Variants in PTPRD observed in about 807,000 individuals in gnomAD.
PTPRD encodes protein tyrosine phosphatase receptor type D.
A neutral mutation model predicts 214.5 loss-of-function variants in PTPRD; 34 were observed. That is an observed-to-expected ratio of 0.16 (90% CI 0.12 to 0.21). The LOEUF is 0.21. Ranked by LOEUF, PTPRD falls within the 10% of genes least tolerant of loss-of-function variation. PTPRD has a pLI of 1.00. For synonymous variants in PTPRD, 1,128 were observed against 845.7 expected, an observed-to-expected ratio of 1.33 and a Z score of -5.79; for missense variants, 2,545 against 2,398.7, an observed-to-expected ratio of 1.06 and a Z score of -1.27.
Position 8,925,968 on chromosome 9 carries a change from C to G in PTPRD, c.-104+92729G>C, listed in dbSNP as rs978815224. Among the ~76,000 whole-genome samples, 8 of 149,428 alleles carry G rather than the reference C, an allele frequency of 5.4e-5. No individual in the cohort carries two copies. In the East Asian group the frequency reaches 1.2e-3, roughly 22 times the overall value. ...ATTTCTCTTGTTTACAATCCTTCAT[C>G]AATTCTCTCCTTTTCAAACCAGAAC... is the stretch of plus-strand genomic sequence containing the variant. On this transcript the variant is annotated intron_variant, in intron 11 of 45. Transcript: ENST00000381196.
At chr9:8,643,299 C>CT (rs2096616490) in intron 12 of PTPRD, among the ~76,000 whole-genome samples, 1 of 151,448 alleles carries the variant, frequency 6.6e-6, no homozygotes, top group Admixed American at 6.6e-5. Context: ...ATCATTACTC[C>CT]TATTTTATAG....
chr9:9,922,401 T>G (rs2382064), intron 5 of PTPRD, among the ~76,000 whole-genome samples: 1 of 152,010 alleles, frequency 6.6e-6, no homozygotes, highest in East Asian at 1.9e-4. Flanking sequence ...GTAACCTTCT[T>G]TCCCTTTTTG....
intron 37 of PTPRD, among the ~76,000 whole-genome samples, chr9:8,385,213 C>G (rs1026404595): frequency 7.9e-5 from 12 of 152,186 alleles, no homozygotes; most frequent in Admixed American, 1.3e-4. Flanking sequence ...TGATAAACCT[C>G]AGACCTGAGC....
At chr9:8,460,002 T>G (rs571846707) in intron 33 of PTPRD, among the ~76,000 whole-genome samples, 2 of 152,166 alleles carry the variant, frequency 1.3e-5, no homozygotes, top group Non-Finnish European at 1.5e-5. Context: ...TTATGATATG[T>G]ATACAAATTG....
chr9:8,353,624 G>C (rs150490269), intron 39 of PTPRD, among the ~76,000 whole-genome samples: 1 of 151,686 alleles, frequency 6.6e-6, no homozygotes, highest in African/African-American at 2.4e-5. Context: ...AGTAGAGATG[G>C]GGTTTCACTA....
chr9:10,450,888 T>C (rs113141225), intron 2 of PTPRD, among the ~76,000 whole-genome samples: 13 of 152,074 alleles, frequency 8.5e-5, no homozygotes, highest in Admixed American at 4.6e-4. Context: ...GTTATTCATA[T>C]AGAATTTCAA....
At chr9:9,602,426 G>A (rs12236648) in intron 7 of PTPRD, among the ~76,000 whole-genome samples, 50,503 of 151,634 alleles carry the variant, frequency 0.33, 8,983 homozygotes, top group Non-Finnish European at 0.4. Flanking sequence ...TGTTAAGTAC[G>A]TGGTGAAACA....
intron 11 of PTPRD, among the ~76,000 whole-genome samples, chr9:8,883,573 A>G (rs1479078944): frequency 6.6e-6 from 1 of 152,236 alleles, no homozygotes; most frequent in Non-Finnish European, 1.5e-5. Flanking sequence ...AATTGGATTT[A>G]GATCTAAATG....
At chr9:9,684,571 G>T (rs529012486) in intron 7 of PTPRD, among the ~76,000 whole-genome samples, 8 of 151,572 alleles carry the variant, frequency 5.3e-5, no homozygotes, top group Admixed American at 3.3e-4. Flanking sequence ...TACTTGGGAG[G>T]AGACTGAGTG....
rs374225364 is a variant in PTPRD at position 9,291,262 on chromosome 9, G to T, written c.-203+106187C>A. 4.4e-4 allele frequency among the ~76,000 whole-genome samples: 67 copies of T among 151,518 alleles called. No individual in the cohort carries two copies. The South Asian group carries it at 0.013, about 30-fold the overall frequency. The stretch of plus-strand genomic sequence containing the variant: ...CATCATACAGTATCAGCCTTTAGAA[G>T]AGAAACCTTAAACTTTTCTTCAAAA... On this transcript the variant is annotated intron_variant, in intron 9 of 45. Transcript: ENST00000381196.
intron 34 of PTPRD, among the ~76,000 whole-genome samples, chr9:8,438,115 T>C (rs764956834): frequency 1.3e-5 from 2 of 152,158 alleles, no homozygotes; most frequent in Non-Finnish European, 2.9e-5. Flanking sequence ...TGTGGCTCTT[T>C]GGAGGAAGGC....
chr9:10,341,330 C>A (rs527884501), intron 2 of PTPRD, among the ~76,000 whole-genome samples: 2 of 151,948 alleles, frequency 1.3e-5, no homozygotes, highest in Non-Finnish European at 2.9e-5. Flanking sequence ...AGAAAAATAG[C>A]CTTTGAAGCT....
intron 11 of PTPRD, among the ~76,000 whole-genome samples, chr9:8,913,900 C>T (rs1308429002): frequency 6.6e-6 from 1 of 152,082 alleles, no homozygotes; most frequent in Non-Finnish European, 1.5e-5. Context: ...ATTTATTTGT[C>T]TATTCAACAA....
rs142331255 is a variant in PTPRD at position 8,499,661 on chromosome 9, G to C, written c.2308C>G (p.Leu770Val). 5.1e-5 allele frequency: 83 copies of C among 1,613,180 alleles called. 1 individual carries two copies. Among genetic ancestry groups the C allele is most frequent in the Admixed American group, 3.7e-4 (22 of 59,882 alleles). Residue 770 changes from leucine to valine, a missense_variant, in exon 25 of 46, where the codon CTG becomes GTG. Transcript: ENST00000381196. The stretch of plus-strand genomic sequence containing the variant: ...CAGAGGCTTACCTGTGCATCAGCCA[G>C]CATGACATCTTTCAGCATGGGCTGG... ...KGQPMLKDVM[L>V]ADAQWEFDDT...
At chr9:10,154,433 G>T (rs766588812) in intron 3 of PTPRD, among the ~76,000 whole-genome samples, 2 of 151,978 alleles carry the variant, frequency 1.3e-5, no homozygotes, top group African/African-American at 4.8e-5. Context: ...TTTATGAATA[G>T]TTTCTTTTGT....
At chr9:8,789,009 C>T (rs755078071) in intron 11 of PTPRD, among the ~76,000 whole-genome samples, 2 of 152,114 alleles carry the variant, frequency 1.3e-5, no homozygotes, top group Non-Finnish European at 2.9e-5. Flanking sequence ...ACAGCTAAAA[C>T]AGACACAGGA....
intron 11 of PTPRD, among the ~76,000 whole-genome samples, chr9:8,778,050 G>T (rs1459058399): frequency 6.6e-6 from 1 of 152,174 alleles, no homozygotes. Context: ...TAATTCAGAT[G>T]TGGGCTCTCA....
chr9:9,885,104 A>T (rs908367674), intron 5 of PTPRD, among the ~76,000 whole-genome samples: 1 of 152,126 alleles, frequency 6.6e-6, no homozygotes, highest in Admixed American at 6.6e-5. Context: ...TTCCTTAAAA[A>T]TTCAATGATA....
chr9:10,370,135 T>C (rs529197396), intron 2 of PTPRD, among the ~76,000 whole-genome samples: 1 of 152,242 alleles, frequency 6.6e-6, no homozygotes, highest in Admixed American at 6.6e-5. Context: ...GAACCATCAC[T>C]TATTTGATGG....
Sources: allele counts gnomAD v4.1 joint callset (sites outside exome capture counted in the v4.1 genomes callset), GRCh38; gene constraint gnomAD v4.1.1; transcripts MANE v1.5; gene names NCBI Gene and HGNC (gene_info 2026-07-23, HGNC 2026-07-21).